The following ZNF106 variants were observed in gnomAD, a reference collection of about 807,000 sequenced individuals.
ZNF106 encodes zinc finger protein 106, also known as SH3-domain binding protein 3.
ZNF106 carries 67 observed loss-of-function variants against 195.1 expected under a neutral mutation model. The observed-to-expected ratio is 0.34, with a 90% CI of 0.28 to 0.42. The LOEUF is 0.42. ZNF106 is among the 10% of genes least tolerant of loss of function. ZNF106 has a pLI of 1.00. For synonymous variants in ZNF106, 784 were observed against 818.6 expected, an observed-to-expected ratio of 0.96 and a Z score of 0.72; for missense variants, 2,118 against 2,304.5, an observed-to-expected ratio of 0.92 and a Z score of 1.66.
rs2056691554 is a variant in ZNF106, at chr15:42,472,316, T to C, written c.-27A>G. ...GTGACCAGATCTGAAGCACTCAACGTCACAGCTGCAATGAGGAAGTAACAT... is the reference window on the plus strand; with the variant it reads ...GTGACCAGATCTGAAGCACTCAACGCCACAGCTGCAATGAGGAAGTAACAT... On this transcript the variant is annotated 5_prime_UTR_variant, in exon 2 of 22. Transcript: ENST00000564754. The C allele has an allele frequency of 2.0e-6, 3 of 1,534,064 alleles. 1 individual carries two copies. The East Asian group carries it at 7.3e-5, about 38-fold the overall frequency.
chr15:42,449,607 T>A (rs945062276), intron 5 of ZNF106, among the ~76,000 whole-genome samples, 164 bp downstream of exon 5: 2 of 152,208 alleles, frequency 1.3e-5, no homozygotes, highest in Non-Finnish European at 2.9e-5. Context: ...ATTCCATCTG[T>A]CATAGAGTAT....
rs1425397481 is a variant in ZNF106, at chr15:42,450,178, T to C, written c.2094A>G (p.Glu698=). ...GLLLDLKTSL[E]DAQVDDSIKS... ...TAATAGAGTCATCAACCTGTGCATCTTCTAGAGAGGTTTTCAAGTCTAGCA... is the reference window on the plus strand; with the variant it reads ...TAATAGAGTCATCAACCTGTGCATCCTCTAGAGAGGTTTTCAAGTCTAGCA... The change falls in exon 5 of 22, where the codon GAA becomes GAG. Residue 698 remains glutamate (E), a synonymous_variant. Coordinates refer to ENST00000564754, the MANE Select transcript of ZNF106 (RefSeq NM_001366845.3). 1.2e-6 allele frequency: 2 copies of C among 1,614,080 alleles called. No individual in the cohort carries two copies. Among genetic ancestry groups the C allele is most frequent in the Non-Finnish European group, 1.7e-6 (2 of 1,180,038 alleles).
At chr15:42,438,000 T>C (rs1332729698) in intron 12 of ZNF106, among the ~76,000 whole-genome samples, 1 of 152,102 alleles carries the variant, frequency 6.6e-6, no homozygotes, top group Non-Finnish European at 1.5e-5. Flanking sequence ...AGTAATGTAG[T>C]ATTCCTTAAG....
Position 42,439,286 on chromosome 15 carries a change from G to A in ZNF106, c.4291C>T (p.Arg1431Trp), listed in dbSNP as rs1188241733. The A allele has an allele frequency of 6.2e-6, 10 of 1,613,940 alleles. No individual in the cohort carries two copies. In the African/African-American group the frequency reaches 8.0e-5, roughly 13 times the overall value. The change falls in exon 11 of 22, where the codon CGG (arginine) becomes TGG (tryptophan). Residue 1431 changes from arginine to tryptophan, a missense_variant. Arg to Trp is a moderately radical substitution (Grantham distance 101). Coordinates refer to ENST00000564754, the MANE Select transcript of ZNF106 (RefSeq NM_001366845.3). ...TCATCTCTGACACTCTCCTGCTCCCGACCAGTCCTGCTGTCTTCCCAAGTG... is the reference window on the plus strand; with the variant it reads ...TCATCTCTGACACTCTCCTGCTCCCAACCAGTCCTGCTGTCTTCCCAAGTG... ...TSTWEDSRTG[R>W]EQESVRDEPD...
Position 42,448,317 on chromosome 15 carries a change from A to G in ZNF106, c.2890T>C (p.Ser964Pro). Residue 964 changes from serine (S) to proline (P), a missense_variant, in exon 6 of 22, where the codon TCC becomes CCC. Transcript: ENST00000564754. ...ATCAAAGGTATTATATGGTCAGAGGATAATTGTGCACTATGTCGCCTTTGG... is the reference window on the plus strand; with the variant it reads ...ATCAAAGGTATTATATGGTCAGAGGGTAATTGTGCACTATGTCGCCTTTGG... Reference protein sequence around the residue: ...ATQRRHSAQLSSDHIIPLMHL... With the variant: ...ATQRRHSAQLPSDHIIPLMHL... 6.2e-7 allele frequency: 1 copy of G among 1,614,198 alleles called. No individual in the cohort carries two copies. The highest frequency in any genetic ancestry group is 8.5e-7 in the Non-Finnish European group (1 of 1,180,038).
At chr15:42,423,919 G>C in intron 17 of ZNF106, 79 bp downstream of exon 17, 1 of 1,350,598 alleles carries the variant, frequency 7.4e-7, no homozygotes, top group South Asian at 1.4e-5. Flanking sequence ...AATTTAAATT[G>C]CAAGAGGTTT....
At chr15:42,458,434 T>C (rs1392651432) in intron 3 of ZNF106, among the ~76,000 whole-genome samples, 1 of 148,538 alleles carries the variant, frequency 6.7e-6, no homozygotes, top group Non-Finnish European at 1.5e-5. Context: ...AAGGCCGGGC[T>C]TGGTGGGGCT....
At chr15:42,458,433 C>T (rs1280870209) in intron 3 of ZNF106, among the ~76,000 whole-genome samples, 3 of 150,468 alleles carry the variant, frequency 2.0e-5, no homozygotes, top group African/African-American at 4.9e-5. Flanking sequence ...AAAGGCCGGG[C>T]TTGGTGGGGC....
At chr15:42,445,106 G>A (rs2141339741) in intron 7 of ZNF106, 125 bp from the exon 8 acceptor site, 1 of 1,145,392 alleles carries the variant, frequency 8.7e-7, no homozygotes, top group Non-Finnish European at 1.2e-6. Flanking sequence ...TAGGTCATTG[G>A]AAATTCATAA....
chr15:42,443,033 AT>A (rs2055615817), intron 9 of ZNF106, among the ~76,000 whole-genome samples: 1 of 151,722 alleles, frequency 6.6e-6, no homozygotes, highest in Non-Finnish European at 1.5e-5. Context: ...ATTATCAATA[AT>A]TTTTGTATTT....
intron 14 of ZNF106, among the ~76,000 whole-genome samples, chr15:42,428,835 C>T (rs1421373168): frequency 6.6e-6 from 1 of 151,770 alleles, no homozygotes; most frequent in African/African-American, 2.4e-5. Context: ...GCGATCTCGG[C>T]TCACTGCAAG....
chr15:42,450,960 T>G lies in ZNF106; in HGVS notation c.1312A>C (p.Asn438His). 1 of 1,614,244 alleles carries G rather than the reference T, an allele frequency of 6.2e-7. No homozygotes were observed. Among genetic ancestry groups the G allele is most frequent in the Non-Finnish European group, 8.5e-7 (1 of 1,180,040 alleles). The change falls in exon 5 of 22, where the codon AAT (asparagine) becomes CAT (histidine). Residue 438 changes from asparagine (N) to histidine (H), a missense_variant. Coordinates refer to ENST00000564754, the MANE Select transcript of ZNF106 (RefSeq NM_001366845.3). ...GCGGAATCAGAAGAGGCCTTGTGAT[T>G]AAGAGATCCAGTATGTATTTCTTTT... is the stretch of plus-strand genomic sequence containing the variant. ...TQKEIHTGSL[N>H]HKASSDSAAS... is the part of the protein sequence containing the mutation.
chr15:42,465,425 A>G (rs1314161452), intron 3 of ZNF106, among the ~76,000 whole-genome samples: 2 of 151,870 alleles, frequency 1.3e-5, no homozygotes, highest in Non-Finnish European at 2.9e-5. Flanking sequence ...ACCACAGGCT[A>G]TTAGCTGCCA....
At position 42,448,203 on chromosome 15, in the gene ZNF106, A is replaced by C; in HGVS notation, c.3004T>G (p.Cys1002Gly). Residue 1002 changes from cysteine (C) to glycine (G), a missense_variant, in exon 6 of 22, where the codon TGT becomes GGT. Physicochemically the swap from Cys to Gly is radical, Grantham distance 159. Coordinates refer to ENST00000564754, the MANE Select transcript of ZNF106 (RefSeq NM_001366845.3). ...NSQESNGEGN[C>G]LSSSASSALA... ...GCTGAGGATGCGCTTGATGACAGAC[A>C]GTTTCCCTCTCCATTACTCTCCTGG... 1 of 1,614,202 alleles carries C rather than the reference A, an allele frequency of 6.2e-7. No homozygotes were observed. Among genetic ancestry groups the C allele is most frequent in the Non-Finnish European group, 8.5e-7 (1 of 1,180,028 alleles).
At position 42,448,558 on chromosome 15, in the gene ZNF106, A is replaced by C. The variant is rs1386997670; in HGVS notation, c.2649T>G (p.Leu883=). Residue 883 remains leucine (L), a synonymous_variant, in exon 6 of 22, where the codon CTT becomes CTG. Transcript: ENST00000564754. ...SSPGLARKRS[L]SESSVIMDRA... is the part of the protein sequence containing the mutation. The stretch of plus-strand genomic sequence containing the variant: ...TGTCCATGATCACGCTGCTCTCAGA[A>C]AGGCTTCGCTTTCTTGCCAAGCCAG... The C allele has an allele frequency of 1.2e-6, 2 of 1,614,162 alleles. No homozygotes were observed. Among genetic ancestry groups the C allele is most frequent in the Admixed American group, 3.3e-5 (2 of 60,012 alleles).
intron 1 of ZNF106, among the ~76,000 whole-genome samples, chr15:42,481,453 G>A (rs887780062): frequency 6.7e-6 from 1 of 149,972 alleles, no homozygotes; most frequent in Non-Finnish European, 1.5e-5. Flanking sequence ...CACCTCCTGG[G>A]TTCAAGCGAT....
intron 1 of ZNF106, among the ~76,000 whole-genome samples, chr15:42,481,469 C>T (rs1471597554): frequency 1.3e-5 from 2 of 151,358 alleles, no homozygotes; most frequent in African/African-American, 2.4e-5. Flanking sequence ...GCGATTCTCC[C>T]GCTTCAGCCT....
intron 3 of ZNF106, among the ~76,000 whole-genome samples, chr15:42,458,152 T>C (rs1346117832): frequency 6.6e-6 from 1 of 152,102 alleles, no homozygotes; most frequent in East Asian, 1.9e-4. Context: ...GTATCATGTG[T>C]CCTGGATTTA....
chr15:42,447,796 T>C (rs1483531699), intron 6 of ZNF106, among the ~76,000 whole-genome samples: 1 of 152,236 alleles, frequency 6.6e-6, no homozygotes, highest in African/African-American at 2.4e-5. Flanking sequence ...GACTTATCCT[T>C]GGTCAGGTGA....
Sources: gnomAD v4.1 joint callset for allele counts (sites outside exome capture counted in the v4.1 genomes callset) on GRCh38, gnomAD v4.1.1 for gene constraint, MANE v1.5 for transcripts, NCBI Gene and HGNC (gene_info 2026-07-23, HGNC 2026-07-21) for gene names.